PSD3: variants seen among roughly 807,000 people sequenced by gnomAD.
PSD3 encodes PH and SEC7 domain-containing protein 3.
Under a neutral mutation model 105.5 loss-of-function variants are expected in PSD3, and 49 were observed. That is an observed-to-expected ratio of 0.46 (90% CI 0.37 to 0.59). The LOEUF (loss-of-function observed/expected upper bound fraction) is 0.59, where lower values mean the gene tolerates loss of function less well. Ranked by LOEUF, PSD3 falls within the 20% of genes least tolerant of loss-of-function variation. The probability of loss-of-function intolerance (pLI) is 0.00; values close to 1 mark genes in which losing one functional copy is unlikely to be tolerated. For synonymous variants in PSD3, 557 were observed against 457.8 expected (o/e 1.22, Z -2.77); for missense variants, 1,561 against 1,263.8 (o/e 1.24, Z -3.57).
At chr8:18,829,237 T>C (rs926842718) in intron 4 of PSD3, among the ~76,000 whole-genome samples, 1 of 152,106 alleles carries the variant, frequency 6.6e-6, no homozygotes, top group Non-Finnish European at 1.5e-5. Context: ...AGACCCTGTC[T>C]CCAAGAAAAT....
chr8:19,037,481 G>A (rs1287967370), intron 1 of PSD3, among the ~76,000 whole-genome samples: 1 of 152,194 alleles, frequency 6.6e-6, no homozygotes, highest in African/African-American at 2.4e-5. Context: ...CAGGACTAAG[G>A]GATGCCACAA....
intron 9 of PSD3, among the ~76,000 whole-genome samples, chr8:18,709,677 G>C (rs1802128403): frequency 6.6e-6 from 1 of 152,154 alleles, no homozygotes; most frequent in Non-Finnish European, 1.5e-5. Context: ...AGACTCCCCT[G>C]GTGATACCTC....
chr8:18,567,647 T>C lies in PSD3; in HGVS notation c.2784+4881A>G, dbSNP rs191627832. ...GAAGAATCTTTCCTGAAACCACAGA[T>C]TCTTCCTTCTTACTACTAGTCTTTC... On this transcript the variant is annotated intron_variant, in intron 14 of 15. Coordinates refer to ENST00000327040, the MANE Select transcript of PSD3 (RefSeq NM_015310.4). Among the ~76,000 whole-genome samples the C allele has an allele frequency of 7.9e-5, 12 of 152,300 alleles. No individual in the cohort carries two copies. The South Asian group carries it at 2.3e-3, about 29-fold the overall frequency.
chr8:18,680,333 T>G (rs758888719), intron 9 of PSD3, among the ~76,000 whole-genome samples: 8 of 152,182 alleles, frequency 5.3e-5, no homozygotes, highest in Non-Finnish European at 1.0e-4. Flanking sequence ...TATTCTACTT[T>G]TAGGAAATTG....
At chr8:18,558,551 G>A (rs1383062381) in intron 14 of PSD3, among the ~76,000 whole-genome samples, 2 of 152,112 alleles carry the variant, frequency 1.3e-5, no homozygotes, top group Non-Finnish European at 2.9e-5. Context: ...CCGGGTGTGG[G>A]GTGCCTCACG....
At chr8:18,575,054 G>C (rs1802387729) in intron 13 of PSD3, 74 bp downstream of exon 13, 1 of 1,450,974 alleles carries the variant, frequency 6.9e-7, no homozygotes, top group East Asian at 2.5e-5. Context: ...TGCAGAGCTT[G>C]ATTTTGTTCC....
chr8:18,543,749 C>G (rs542387142), intron 15 of PSD3, among the ~76,000 whole-genome samples: 1 of 152,182 alleles, frequency 6.6e-6, no homozygotes, highest in African/African-American at 2.4e-5. Flanking sequence ...TAAACTGCTA[C>G]TTGGGTTGAA....
intron 1 of PSD3, among the ~76,000 whole-genome samples, chr8:18,968,171 C>T (rs905137506): frequency 2.0e-5 from 3 of 152,166 alleles, no homozygotes; most frequent in African/African-American, 7.2e-5. Context: ...CTGTGCACCA[C>T]TTCAGGGCAG....
At chr8:18,596,868 G>A (rs1804141927) in intron 12 of PSD3, among the ~76,000 whole-genome samples, 1 of 152,076 alleles carries the variant, frequency 6.6e-6, no homozygotes, top group Admixed American at 6.6e-5. Flanking sequence ...GGAGCAGATG[G>A]CTTCACCAGT....
intron 1 of PSD3, among the ~76,000 whole-genome samples, chr8:18,973,980 G>A (rs114673390): frequency 0.015 from 2,278 of 152,284 alleles, 65 homozygotes; most frequent in African/African-American, 0.052. Flanking sequence ...TAGCAGGACA[G>A]GATCCCAGAC....
At chr8:19,054,200 G>C (rs1828631537) in intron 1 of PSD3, among the ~76,000 whole-genome samples, 1 of 152,162 alleles carries the variant, frequency 6.6e-6, no homozygotes. Context: ...TGTAAGTGAG[G>C]GAGGCTAGCC....
Position 18,528,412 on chromosome 8 carries a change from T to C in PSD3, c.*7331A>G, listed in dbSNP as rs1206674828. 1 of 152,234 alleles carries C rather than the reference T, an allele frequency of 6.6e-6. No individual in the cohort carries two copies. Among genetic ancestry groups the C allele is most frequent in the Non-Finnish European group, 1.5e-5 (1 of 68,050 alleles). The allele number at this position is 152,234 out of a possible 1,614,324, so 9.4% of individuals were successfully genotyped here. ...GTGTTAACTTCACTCAGAGAATCTT[T>C]GTCATGACGTTTGTTCATGTGCCAC... On this transcript the variant is annotated 3_prime_UTR_variant, in exon 16 of 16. Transcript: ENST00000327040.
At chr8:18,660,874 T>A (rs1238918912) in intron 9 of PSD3, among the ~76,000 whole-genome samples, 2 of 152,204 alleles carry the variant, frequency 1.3e-5, no homozygotes, top group African/African-American at 4.8e-5. Flanking sequence ...AATTTGAAGA[T>A]CATCATTTTT....
At chr8:18,673,509 G>A (rs1221983183) in intron 9 of PSD3, among the ~76,000 whole-genome samples, 1 of 152,128 alleles carries the variant, frequency 6.6e-6, no homozygotes, top group African/African-American at 2.4e-5. Context: ...TTGGAAGCAT[G>A]TCTCTTGGCA....
At chr8:18,916,693 C>T (rs1201578404) in intron 2 of PSD3, among the ~76,000 whole-genome samples, 3 of 151,906 alleles carry the variant, frequency 2.0e-5, no homozygotes, top group Non-Finnish European at 4.4e-5. Flanking sequence ...AATAATGTAT[C>T]ACACACTTGA....
intron 10 of PSD3, among the ~76,000 whole-genome samples, chr8:18,633,322 C>A (rs913471795): frequency 1.3e-5 from 2 of 151,990 alleles, no homozygotes; most frequent in African/African-American, 4.8e-5. Flanking sequence ...CCAGGCTAGT[C>A]CCTAATATTA....
intron 8 of PSD3, among the ~76,000 whole-genome samples, chr8:18,780,397 A>G (rs984888337): frequency 4.0e-5 from 6 of 149,986 alleles, no homozygotes; most frequent in African/African-American, 1.5e-4. Context: ...TTAAGGGGGG[A>G]ATTTAAACTG....
rs375989385 is a variant in PSD3, at chr8:18,756,942, G to C, written c.2172+8507C>G. On this transcript the variant is annotated intron_variant, in intron 9 of 15. Transcript: ENST00000327040. ...TCAGAACAACTAGTGCATTCCACAC[G>C]GGCACACTGCTAGCCACTTAACACA... Among the ~76,000 whole-genome samples, 406 of 145,720 alleles carry C rather than the reference G, an allele frequency of 2.8e-3. 3 individuals are homozygous for C. The highest frequency in any genetic ancestry group is 9.9e-3 in the African/African-American group (400 of 40,392).
At chr8:18,980,773 T>C (rs957939901) in intron 1 of PSD3, among the ~76,000 whole-genome samples, 4 of 152,200 alleles carry the variant, frequency 2.6e-5, no homozygotes, top group African/African-American at 7.2e-5. Context: ...TAATCAGTTA[T>C]TTGACGCTTC....
Sources: gnomAD v4.1 joint callset for allele counts (sites outside exome capture counted in the v4.1 genomes callset) on GRCh38, gnomAD v4.1.1 for gene constraint, MANE v1.5 for transcripts, NCBI Gene and HGNC (gene_info 2026-07-23, HGNC 2026-07-21) for gene names.